The following LRRC8D variants were observed in gnomAD, a reference collection of about 807,000 sequenced individuals.
LRRC8D encodes the protein leucine rich repeat containing 8 VRAC subunit D.
Under a neutral mutation model 55.8 loss-of-function variants are expected in LRRC8D, and 20 were observed. The observed-to-expected ratio is 0.36, with a 90% CI of 0.25 to 0.52. LRRC8D has a LOEUF of 0.52. Among genes scored for constraint, LRRC8D ranks in the 20% least tolerant of loss-of-function variants. The pLI is 0.93. For missense variants in LRRC8D, 651 were observed against 1,030.8 expected (o/e 0.63, Z 5.05); for synonymous variants, 352 against 377.0 (o/e 0.93, Z 0.77).
intron 2 of LRRC8D, among the ~76,000 whole-genome samples, chr1:89,889,514 AT>A: frequency 1.3e-5 from 2 of 151,796 alleles, no homozygotes; most frequent in South Asian, 4.2e-4. Context: ...GGTGGAGTAT[AT>A]TGTAACTCCT....
intron 2 of LRRC8D, among the ~76,000 whole-genome samples, chr1:89,916,420 C>G (rs931483585): frequency 1.3e-5 from 2 of 152,142 alleles, no homozygotes; most frequent in Non-Finnish European, 2.9e-5. Flanking sequence ...CCAAATTTAC[C>G]AATTTATCAC....
chr1:89,842,310 G>C (rs1661156762), intron 1 of LRRC8D, among the ~76,000 whole-genome samples: 2 of 151,998 alleles, frequency 1.3e-5, no homozygotes, highest in East Asian at 3.9e-4. Context: ...CCTGTATTCA[G>C]TTCTCCATTT....
At chr1:89,892,561 C>G (rs1194879449) in intron 2 of LRRC8D, among the ~76,000 whole-genome samples, 1 of 152,112 alleles carries the variant, frequency 6.6e-6, no homozygotes, top group Non-Finnish European at 1.5e-5. Flanking sequence ...CTCTGTCGCC[C>G]AGGCTGGAGT....
chr1:89,870,179 A>G (rs1172510016), intron 2 of LRRC8D, among the ~76,000 whole-genome samples: 1 of 151,408 alleles, frequency 6.6e-6, no homozygotes, highest in Non-Finnish European at 1.5e-5. Context: ...TAGTTTTTCT[A>G]AAAAACTGAT....
At chr1:89,838,230 T>C (rs1661048294) in intron 1 of LRRC8D, among the ~76,000 whole-genome samples, 1 of 148,984 alleles carries the variant, frequency 6.7e-6, no homozygotes, top group South Asian at 2.1e-4. Flanking sequence ...AAAGAAAAAT[T>C]AGCTGGATGT....
At position 89,843,755 on chromosome 1, in the gene LRRC8D, G is replaced by C; in HGVS notation, c.-30G>C. The C allele has an allele frequency of 1.4e-6, 1 of 695,486 alleles. No homozygotes were observed. Among genetic ancestry groups the C allele is most frequent in the Non-Finnish European group, 2.6e-6 (1 of 382,396 alleles). 43.1% of individuals were successfully genotyped at this position (695,486 alleles called of 1,614,324 possible). On this transcript the variant is annotated 5_prime_UTR_variant, in exon 2 of 3. Coordinates refer to ENST00000337338, the MANE Select transcript of LRRC8D (RefSeq NM_001134479.2). ...AAGCCGCGTCCCCAGAGAGCGCCCT[G>C]AGAGAACAGGGTGGCCGCTTGGTCC...
intron 2 of LRRC8D, among the ~76,000 whole-genome samples, chr1:89,909,543 A>G (rs564378283): frequency 2.6e-5 from 4 of 152,170 alleles, no homozygotes; most frequent in African/African-American, 7.2e-5. Context: ...GGAGCAGCAT[A>G]GGAAATTTAT....
chr1:89,900,384 G>T (rs1036398420), intron 2 of LRRC8D, among the ~76,000 whole-genome samples: 9 of 150,572 alleles, frequency 6.0e-5, no homozygotes, highest in Non-Finnish European at 1.2e-4. Context: ...AGGTAAAGGT[G>T]GTGAGAGATG....
intron 2 of LRRC8D, among the ~76,000 whole-genome samples, chr1:89,922,494 G>T (rs1031255393): frequency 6.6e-6 from 1 of 152,200 alleles, no homozygotes; most frequent in Non-Finnish European, 1.5e-5. Context: ...CAACGAATTG[G>T]TCTAGTCATC....
At chr1:89,825,201 G>A (rs909814338) in intron 1 of LRRC8D, among the ~76,000 whole-genome samples, 3 of 152,182 alleles carry the variant, frequency 2.0e-5, no homozygotes, top group Non-Finnish European at 2.9e-5. Flanking sequence ...TCAGTAGTTT[G>A]GGGGCTCTAT....
chr1:89,864,161 T>G (rs1661787612), intron 2 of LRRC8D, among the ~76,000 whole-genome samples: 1 of 152,226 alleles, frequency 6.6e-6, no homozygotes, highest in Non-Finnish European at 1.5e-5. Context: ...GTTTTTTGTC[T>G]TTGAACCAAG....
intron 2 of LRRC8D, among the ~76,000 whole-genome samples, chr1:89,921,294 C>T (rs527287696): frequency 3.3e-5 from 5 of 152,140 alleles, no homozygotes; most frequent in East Asian, 3.9e-4. Flanking sequence ...GCCAAGATCA[C>T]GCCACTGCAC....
intron 2 of LRRC8D, among the ~76,000 whole-genome samples, chr1:89,927,569 T>C (rs1297143477): frequency 1.3e-5 from 2 of 152,236 alleles, no homozygotes; most frequent in Non-Finnish European, 2.9e-5. Flanking sequence ...AGCAGTGGAA[T>C]TGCAGGGTCA....
intron 2 of LRRC8D, among the ~76,000 whole-genome samples, chr1:89,889,967 C>T (rs1410991254): frequency 2.0e-5 from 3 of 152,094 alleles, no homozygotes; most frequent in Admixed American, 6.5e-5. Context: ...GTGGGTGGAT[C>T]ACGAGATCAG....
At chr1:89,842,708 A>G (rs578209723) in intron 1 of LRRC8D, among the ~76,000 whole-genome samples, 1 of 152,358 alleles carries the variant, frequency 6.6e-6, no homozygotes, top group African/African-American at 2.4e-5. Context: ...CTCTACATAC[A>G]GCAGATTCTT....
intron 2 of LRRC8D, among the ~76,000 whole-genome samples, chr1:89,891,326 T>G (rs543813620): frequency 6.6e-6 from 1 of 152,372 alleles, no homozygotes; most frequent in South Asian, 2.1e-4. Context: ...ATAAGTTATG[T>G]GTTCTTCCAA....
intron 1 of LRRC8D, among the ~76,000 whole-genome samples, chr1:89,840,677 T>TG (rs1661112029): frequency 6.6e-6 from 1 of 152,242 alleles, no homozygotes; most frequent in Admixed American, 6.5e-5. Flanking sequence ...GTACAGTACT[T>TG]GGACAAAATA....
chr1:89,918,057 G>A (rs1273385738), intron 2 of LRRC8D, among the ~76,000 whole-genome samples: 9 of 152,194 alleles, frequency 5.9e-5, no homozygotes, highest in African/African-American at 1.9e-4. Context: ...TATTTCTTGG[G>A]TAAAGGAATA....
At chr1:89,833,326 A>G (rs996650805) in intron 1 of LRRC8D, among the ~76,000 whole-genome samples, 1 of 152,258 alleles carries the variant, frequency 6.6e-6, no homozygotes, top group Non-Finnish European at 1.5e-5. Flanking sequence ...ACACCGTACT[A>G]AAACGCTGGA....
Sources: allele counts gnomAD v4.1 joint callset (sites outside exome capture counted in the v4.1 genomes callset), GRCh38; gene constraint gnomAD v4.1.1; transcripts MANE v1.5; gene names NCBI Gene and HGNC (gene_info 2026-07-23, HGNC 2026-07-21).